Variants in GRID2 observed in about 807,000 individuals in gnomAD.
The protein encoded by GRID2 is glutamate receptor ionotropic, delta-2.
GRID2 carries 33 observed loss-of-function variants against 114.8 expected under a neutral mutation model. That is an observed-to-expected ratio of 0.29 (90% CI 0.22 to 0.38). The LOEUF is 0.38. Among genes scored for constraint, GRID2 ranks in the 10% least tolerant of loss-of-function variants. The probability of loss-of-function intolerance (pLI) is 1.00; values close to 1 mark genes in which losing one functional copy is unlikely to be tolerated. For synonymous variants in GRID2, 505 were observed against 449.9 expected, an observed-to-expected ratio of 1.12 and a Z score of -1.55; for missense variants, 1,184 against 1,257.7, an observed-to-expected ratio of 0.94 and a Z score of 0.89.
chr4:93,636,599 A>T (rs1375768120), intron 14 of GRID2, among the ~76,000 whole-genome samples: 1 of 152,178 alleles, frequency 6.6e-6, no homozygotes, highest in Non-Finnish European at 1.5e-5. Flanking sequence ...TGAAAAATTC[A>T]GTCTACTTTT....
At chr4:93,078,623 T>C (rs1349666376) in intron 2 of GRID2, among the ~76,000 whole-genome samples, 1 of 148,674 alleles carries the variant, frequency 6.7e-6, no homozygotes, top group Non-Finnish European at 1.5e-5. Flanking sequence ...CATTGAAAAA[T>C]TATAAAGTAA....
chr4:93,000,591 T>C (rs1010129831), intron 2 of GRID2, among the ~76,000 whole-genome samples: 7 of 151,692 alleles, frequency 4.6e-5, no homozygotes, highest in African/African-American at 1.7e-4. Context: ...AATAGTGCTC[T>C]AGCACAGCAG....
At chr4:92,937,730 T>C (rs1750771795) in intron 2 of GRID2, among the ~76,000 whole-genome samples, 1 of 146,590 alleles carries the variant, frequency 6.8e-6, no homozygotes, top group South Asian at 2.3e-4. Context: ...ATTTACATTT[T>C]AGCAAAAAAA....
intron 1 of GRID2, among the ~76,000 whole-genome samples, chr4:92,547,562 TG>T (rs1320769749): frequency 6.6e-6 from 1 of 152,054 alleles, no homozygotes; most frequent in African/African-American, 2.4e-5. Flanking sequence ...ACATACAAAA[TG>T]ACAAATCAAA....
At chr4:93,143,998 C>T (rs561942559) in intron 4 of GRID2, among the ~76,000 whole-genome samples, 21 of 152,180 alleles carry the variant, frequency 1.4e-4, no homozygotes, top group South Asian at 1.2e-3. Context: ...TAAAGACAAA[C>T]GTTATAATGT....
At chr4:93,410,440 G>A (rs767358457) in intron 9 of GRID2, among the ~76,000 whole-genome samples, 5 of 152,102 alleles carry the variant, frequency 3.3e-5, no homozygotes, top group Non-Finnish European at 5.9e-5. Flanking sequence ...GATCTTCTAC[G>A]TGACAAATTA....
At chr4:93,600,596 A>G (rs774739379) in intron 13 of GRID2, among the ~76,000 whole-genome samples, 13 of 152,328 alleles carry the variant, frequency 8.5e-5, no homozygotes, top group South Asian at 2.1e-4. Flanking sequence ...TGGAGTGACT[A>G]GAACTTACAT....
At position 93,343,887 on chromosome 4, in the gene GRID2, C is replaced by T. The variant is rs370303092; in HGVS notation, c.1246-51720C>T. ...AAATTAGTGCAGTCTACAATATCTT[C>T]ATTTTGTAATATTCTTGAACATTTA... On this transcript the variant is annotated intron_variant, in intron 8 of 15. Coordinates refer to ENST00000282020, the MANE Select transcript of GRID2 (RefSeq NM_001510.4). 1.4e-4 allele frequency among the ~76,000 whole-genome samples: 21 copies of T among 152,128 alleles called. No individual in the cohort carries two copies. In the East Asian group the frequency reaches 3.7e-3, roughly 27 times the overall value.
intron 14 of GRID2, among the ~76,000 whole-genome samples, chr4:93,636,040 T>C (rs1189015383): frequency 6.6e-6 from 1 of 152,210 alleles, no homozygotes; most frequent in Non-Finnish European, 1.5e-5. Flanking sequence ...CTTCTTGCAC[T>C]ACATCATACA....
chr4:92,779,916 G>A (rs2149357884), intron 2 of GRID2, among the ~76,000 whole-genome samples: 1 of 152,174 alleles, frequency 6.6e-6, no homozygotes, highest in African/African-American at 2.4e-5. Flanking sequence ...TGTTCATAAA[G>A]TCTAGTTTGG....
intron 8 of GRID2, among the ~76,000 whole-genome samples, chr4:93,312,339 T>A (rs1017571718): frequency 6.6e-6 from 1 of 152,194 alleles, no homozygotes; most frequent in African/African-American, 2.4e-5. Flanking sequence ...TGCCTTCTAA[T>A]GCAAGTATTT....
At chr4:93,419,127 G>A (rs2149363062) in intron 9 of GRID2, among the ~76,000 whole-genome samples, 1 of 100,916 alleles carries the variant, frequency 9.9e-6, no homozygotes, top group South Asian at 3.1e-4. Flanking sequence ...TTGTTGTCCT[G>A]TCAGTACCAG....
At chr4:93,570,717 A>G (rs1257597185) in intron 13 of GRID2, among the ~76,000 whole-genome samples, 1 of 152,184 alleles carries the variant, frequency 6.6e-6, no homozygotes, top group Admixed American at 6.6e-5. Context: ...AAATAAAGCA[A>G]TAAAGTATAT....
intron 2 of GRID2, among the ~76,000 whole-genome samples, chr4:92,611,018 C>G (rs1579680265): frequency 6.8e-6 from 1 of 146,594 alleles, no homozygotes; most frequent in Non-Finnish European, 1.5e-5. Flanking sequence ...ATTGAATAGT[C>G]TGTGTGTGTG....
chr4:93,004,735 TTCTC>T (rs1053627169), intron 2 of GRID2, among the ~76,000 whole-genome samples: 86 of 152,112 alleles, frequency 5.7e-4, no homozygotes, highest in African/African-American at 2.0e-3. Context: ...TCACTTGTGT[TTCTC>T]TCTTCAGCCA....
At chr4:93,538,386 A>G (rs1344511545) in intron 13 of GRID2, among the ~76,000 whole-genome samples, 2 of 151,840 alleles carry the variant, frequency 1.3e-5, no homozygotes, top group Non-Finnish European at 3.0e-5. Context: ...TCATAGTGAT[A>G]TGAAAAAAAT....
intron 2 of GRID2, among the ~76,000 whole-genome samples, chr4:92,796,108 A>C (rs570046563): frequency 1.3e-5 from 2 of 151,896 alleles, no homozygotes; most frequent in African/African-American, 4.8e-5. Flanking sequence ...GACTTCCATG[A>C]TGTTCTCTCT....
At chr4:93,294,698 A>G (rs1039378489) in intron 8 of GRID2, among the ~76,000 whole-genome samples, 1 of 152,066 alleles carries the variant, frequency 6.6e-6, no homozygotes, top group Non-Finnish European at 1.5e-5. Context: ...AGCTGGGATT[A>G]CAGGCACGTA....
At chr4:93,438,948 T>G (rs1391908879) in intron 10 of GRID2, among the ~76,000 whole-genome samples, 5 of 151,898 alleles carry the variant, frequency 3.3e-5, no homozygotes, top group Non-Finnish European at 7.4e-5. Flanking sequence ...TTTTTTGTCC[T>G]TGTGATAGTT....
Sources: gnomAD v4.1 joint callset for allele counts (sites outside exome capture counted in the v4.1 genomes callset) on GRCh38, gnomAD v4.1.1 for gene constraint, MANE v1.5 for transcripts, NCBI Gene and HGNC (gene_info 2026-07-23, HGNC 2026-07-21) for gene names.